Variants in PTPRK observed in about 807,000 individuals in gnomAD.
PTPRK encodes the protein protein tyrosine phosphatase receptor type K.
Under a neutral mutation model 178.0 loss-of-function variants are expected in PTPRK, and 75 were observed. The ratio of observed to expected loss-of-function variants is 0.42; its 90% CI spans 0.35 to 0.51. PTPRK has a LOEUF of 0.51. Among genes scored for constraint, PTPRK ranks in the 20% least tolerant of loss-of-function variants. The pLI is 0.02. For missense variants in PTPRK, 1,441 were observed against 1,797.8 expected (o/e 0.80, Z 3.59); for synonymous variants, 637 against 620.6 (o/e 1.03, Z -0.39).
At chr6:128,160,353 A>G (rs1439125480) in intron 7 of PTPRK, among the ~76,000 whole-genome samples, 2 of 151,764 alleles carry the variant, frequency 1.3e-5, no homozygotes, top group Non-Finnish European at 3.0e-5. Context: ...AGACATTAGG[A>G]AACAAATTCT....
At chr6:128,257,107 G>A (rs1224424821) in intron 3 of PTPRK, among the ~76,000 whole-genome samples, 1 of 151,816 alleles carries the variant, frequency 6.6e-6, no homozygotes, top group African/African-American at 2.4e-5. Flanking sequence ...GCACATGCCT[G>A]TAATCCCAGC....
intron 6 of PTPRK, among the ~76,000 whole-genome samples, chr6:128,201,639 G>T (rs1248000856): frequency 6.6e-6 from 1 of 152,078 alleles, no homozygotes; most frequent in African/African-American, 2.4e-5. Context: ...TGGGAGGACT[G>T]CTTGAAGCCA....
chr6:127,994,700 A>ATT (rs1776950551), intron 18 of PTPRK, among the ~76,000 whole-genome samples: 1 of 151,906 alleles, frequency 6.6e-6, no homozygotes, highest in Admixed American at 6.6e-5. Flanking sequence ...TGTAATCAAA[A>ATT]TTTAACAGTG....
At chr6:128,396,301 A>C (rs1840288899) in intron 2 of PTPRK, among the ~76,000 whole-genome samples, 1 of 148,862 alleles carries the variant, frequency 6.7e-6, no homozygotes, top group Non-Finnish European at 1.5e-5. Flanking sequence ...CAATCAGCAC[A>C]TTAATTATAT....
At chr6:128,093,667 A>G (rs116396248) in intron 7 of PTPRK, among the ~76,000 whole-genome samples, 176 of 151,440 alleles carry the variant, frequency 1.2e-3, no homozygotes, top group African/African-American at 4.1e-3. Flanking sequence ...CAAAAAAGGA[A>G]AAAAGAAACA....
intron 2 of PTPRK, among the ~76,000 whole-genome samples, chr6:128,329,736 T>C (rs561473072): frequency 4.0e-5 from 6 of 151,894 alleles, no homozygotes; most frequent in African/African-American, 1.2e-4. Context: ...GGCTATCTGC[T>C]TTACTCAGTG....
chr6:128,113,041 C>T (rs1023564687), intron 7 of PTPRK, among the ~76,000 whole-genome samples: 2 of 152,098 alleles, frequency 1.3e-5, no homozygotes, highest in Non-Finnish European at 2.9e-5. Context: ...CCAAATCTTG[C>T]CATTTGTTAC....
intron 7 of PTPRK, among the ~76,000 whole-genome samples, chr6:128,113,532 C>T (rs1021872959): frequency 5.3e-5 from 8 of 151,630 alleles, no homozygotes; most frequent in Non-Finnish European, 8.8e-5. Context: ...TATTTACATA[C>T]CATTTACATT....
intron 15 of PTPRK, among the ~76,000 whole-genome samples, chr6:128,000,612 C>A (rs1366519950): frequency 1.3e-5 from 2 of 151,976 alleles, no homozygotes; most frequent in African/African-American, 2.4e-5. Flanking sequence ...ACTATGCGAC[C>A]AAAGTCAATG....
chr6:128,193,280 G>GAAAAAAAAAAAAAAAAA lies in PTPRK; in HGVS notation c.869-8572_869-8556dup, dbSNP rs778872277. ...GAATCAAATGATTTATCCAGCTTGT[G>GAAAAAAAAAAAAAAAAA]AAAAAAAAAAAAAAAAAAAAAAAAG... is the stretch of plus-strand genomic sequence containing the variant. On this transcript the variant is annotated intron_variant, in intron 6 of 29. Coordinates refer to ENST00000368226, the MANE Select transcript of PTPRK (RefSeq NM_002844.4). Among the ~76,000 whole-genome samples the GAAAAAAAAAAAAAAAAA allele has an allele frequency of 3.5e-5, 2 of 57,754 alleles. 1 individual carries two copies. Among genetic ancestry groups the GAAAAAAAAAAAAAAAAA allele is most frequent in the Non-Finnish European group, 6.5e-5 (2 of 30,866 alleles). 37.9% of individuals were successfully genotyped at this position (57,754 alleles called of 152,430 possible). A position where few individuals can be genotyped will look rare whatever the true frequency, so the allele number is the denominator to read the frequency against.
chr6:128,410,886 G>C (rs1052636929), intron 1 of PTPRK, among the ~76,000 whole-genome samples: 7 of 152,054 alleles, frequency 4.6e-5, no homozygotes, highest in African/African-American at 1.7e-4. Flanking sequence ...CCAGCCTTAC[G>C]TTTGTTTGTT....
At chr6:128,210,380 A>C (rs79859566) in intron 6 of PTPRK, among the ~76,000 whole-genome samples, 1 of 148,772 alleles carries the variant, frequency 6.7e-6, no homozygotes, top group Admixed American at 6.7e-5. Flanking sequence ...AAAAAAAAAA[A>C]CAGTAAAACA....
At chr6:128,001,125 C>T (rs974836585) in intron 15 of PTPRK, 9 of 1,235,292 alleles carry the variant, frequency 7.3e-6, no homozygotes, top group Non-Finnish European at 1.1e-6. Context: ...CCTTATTATA[C>T]ATTTAAGAAT....
intron 5 of PTPRK, 87 bp from the exon 6 acceptor site, chr6:128,219,183 A>G (rs1809924970): frequency 8.0e-7 from 1 of 1,257,184 alleles, no homozygotes; most frequent in Non-Finnish European, 1.1e-6. Flanking sequence ...TCTGTGATAA[A>G]TTATTCTTGT....
intron 13 of PTPRK, chr6:128,062,541 T>G (rs1290059244): frequency 6.0e-6 from 1 of 167,076 alleles, no homozygotes; most frequent in Non-Finnish European, 1.5e-5. Flanking sequence ...AAATTTAGAT[T>G]TGTTTTTATA....
intron 7 of PTPRK, among the ~76,000 whole-genome samples, chr6:128,143,787 CCT>C (rs911350469): frequency 1.3e-5 from 2 of 152,166 alleles, no homozygotes; most frequent in African/African-American, 4.8e-5. Context: ...TATTTTTTCC[CCT>C]CTTAATATTT....
intron 6 of PTPRK, among the ~76,000 whole-genome samples, chr6:128,208,844 T>TTTCCTA (rs1238043482): frequency 1.3e-5 from 2 of 152,164 alleles, no homozygotes; most frequent in Non-Finnish European, 2.9e-5. Flanking sequence ...ATTTTAAAAC[T>TTTCCTA]GGATATGTTC....
At chr6:128,485,285 G>A (rs545968025) in intron 1 of PTPRK, among the ~76,000 whole-genome samples, 1 of 152,278 alleles carries the variant, frequency 6.6e-6, no homozygotes, top group South Asian at 2.1e-4. Flanking sequence ...ACCAGCTATT[G>A]TGCTATTTAG....
intron 13 of PTPRK, among the ~76,000 whole-genome samples, chr6:128,027,275 A>G (rs1049875225): frequency 6.6e-6 from 1 of 152,226 alleles, no homozygotes; most frequent in African/African-American, 2.4e-5. Flanking sequence ...CCCACTGAAC[A>G]GAACTGTTTG....
Sources: allele counts gnomAD v4.1 joint callset (sites outside exome capture counted in the v4.1 genomes callset), GRCh38; gene constraint gnomAD v4.1.1; transcripts MANE v1.5; gene names NCBI Gene and HGNC (gene_info 2026-07-23, HGNC 2026-07-21).